FGF14: variants seen among roughly 807,000 people sequenced by gnomAD.
The protein encoded by FGF14 is fibroblast growth factor homologous factor 4.
FGF14 carries 5 observed loss-of-function variants against 25.5 expected under a neutral mutation model. The observed-to-expected ratio is 0.20, with a 90% CI of 0.10 to 0.41. The LOEUF (loss-of-function observed/expected upper bound fraction) is 0.41. FGF14 is among the 10% of genes least tolerant of loss of function. The pLI, the probability that FGF14 is intolerant of heterozygous loss-of-function variation, is 1.00. For synonymous variants in FGF14, 138 were observed against 118.3 expected, an observed-to-expected ratio of 1.17 and a Z score of -1.08; for missense variants, 222 against 320.1, an observed-to-expected ratio of 0.69 and a Z score of 2.34.
chr13:102,292,952 G>T (rs1256339296), intron 1 of FGF14: 2 of 152,256 alleles, frequency 1.3e-5, no homozygotes, highest in South Asian at 2.1e-4. Context: ...TCATAAGGCT[G>T]AAATGAAGAT....
intron 1 of FGF14, among the ~76,000 whole-genome samples, chr13:102,151,311 C>A (rs2047074780): frequency 6.6e-6 from 1 of 152,000 alleles, no homozygotes; most frequent in East Asian, 1.9e-4. Flanking sequence ...CTGGGGGTAT[C>A]CAGCGTACCC....
intron 1 of FGF14, among the ~76,000 whole-genome samples, chr13:102,049,252 T>G (rs1400421189): frequency 6.6e-6 from 1 of 152,202 alleles, no homozygotes; most frequent in Non-Finnish European, 1.5e-5. Context: ...TAAATGTCCT[T>G]TCTTTTACCT....
intron 1 of FGF14, among the ~76,000 whole-genome samples, chr13:101,959,847 T>C (rs1445037827): frequency 2.0e-5 from 3 of 152,210 alleles, no homozygotes; most frequent in African/African-American, 4.8e-5. Flanking sequence ...CTTTCTGTGG[T>C]GATTGCCTGG....
intron 3 of FGF14, among the ~76,000 whole-genome samples, chr13:101,860,116 C>A (rs980244796): frequency 6.6e-6 from 1 of 152,018 alleles, no homozygotes; most frequent in Non-Finnish European, 1.5e-5. Flanking sequence ...TTGAGCTTTA[C>A]GTGGTGCAGA....
chr13:102,203,176 GTCT>G (rs373966448), intron 1 of FGF14, among the ~76,000 whole-genome samples: 5 of 152,114 alleles, frequency 3.3e-5, no homozygotes, highest in African/African-American at 9.7e-5. Context: ...CAGTATATTT[GTCT>G]TCTTAATTAT....
At chr13:102,385,594 A>G (rs2058284049) in intron 1 of FGF14, among the ~76,000 whole-genome samples, 1 of 152,208 alleles carries the variant, frequency 6.6e-6, no homozygotes, top group Admixed American at 6.5e-5. Flanking sequence ...ATGAAATATC[A>G]TTTTTTATTT....
intron 1 of FGF14, among the ~76,000 whole-genome samples, chr13:101,951,028 TG>T (rs1229436117): frequency 6.6e-6 from 1 of 152,100 alleles, no homozygotes. Context: ...TGGGTTAATG[TG>T]GGGTGAATAA....
chr13:102,314,115 T>C (rs1241972846), intron 1 of FGF14, among the ~76,000 whole-genome samples: 7 of 152,210 alleles, frequency 4.6e-5, no homozygotes, highest in Non-Finnish European at 7.3e-5. Flanking sequence ...AATGGCTAAT[T>C]TTCTGAGAGG....
chr13:102,204,156 A>G (rs1999168), intron 1 of FGF14, among the ~76,000 whole-genome samples: 59,586 of 152,084 alleles, frequency 0.39, 13,290 homozygotes, highest in African/African-American at 0.62. Flanking sequence ...CAGGACCCAG[A>G]TAAACTTAGG....
rs2053501999 is a variant in FGF14, at chr13:102,275,671, A to G, written c.208+125800T>C. On this transcript the variant is annotated intron_variant, in intron 1 of 4. Transcript: ENST00000376131. ...TGCCTAATAAACTAGATTTCGGAAC[A>G]CAAATAGGACTTCTAAAGTTCTGTC... Among the ~76,000 whole-genome samples the G allele has an allele frequency of 4.9e-5, 7 of 143,108 alleles. No individual in the cohort carries two copies. The Admixed American group carries it at 5.3e-4, about 11-fold the overall frequency. The allele number at this position is 143,108 out of a possible 152,430, so 93.9% of individuals were successfully genotyped here.
At chr13:101,885,542 CA>C (rs1163053611) in intron 1 of FGF14, among the ~76,000 whole-genome samples, 4 of 152,148 alleles carry the variant, frequency 2.6e-5, no homozygotes, top group African/African-American at 9.7e-5. Flanking sequence ...ACTCAGCGCA[CA>C]TTTTGGCACA....
intron 1 of FGF14, among the ~76,000 whole-genome samples, chr13:102,147,079 T>C (rs2046886339): frequency 6.6e-6 from 1 of 152,228 alleles, no homozygotes; most frequent in Non-Finnish European, 1.5e-5. Context: ...TATATTATGG[T>C]ACAATTTAGT....
chr13:101,812,356 A>C (rs1395321773), intron 3 of FGF14, among the ~76,000 whole-genome samples: 4 of 151,900 alleles, frequency 2.6e-5, no homozygotes, highest in African/African-American at 9.7e-5. Context: ...GGTGGTAAAT[A>C]ATACATCTTC....
rs143263351 is a variant in FGF14 at position 101,790,255 on chromosome 13, A to G, written c.409-63445T>C. 1.8e-4 allele frequency among the ~76,000 whole-genome samples: 28 copies of G among 152,156 alleles called. No homozygotes were observed. In the East Asian group the frequency reaches 4.8e-3, roughly 26 times the overall value. ...CTTTTTTAAAATTAGTAATCAAGGC[A>G]TTCCATCTTTTATGTAATTATATCC... On this transcript the variant is annotated intron_variant, in intron 3 of 4. Transcript: ENST00000376143.
At chr13:102,207,812 G>A (rs973491219) in intron 1 of FGF14, among the ~76,000 whole-genome samples, 1 of 151,932 alleles carries the variant, frequency 6.6e-6, no homozygotes, top group African/African-American at 2.4e-5. Flanking sequence ...GTTCAAAAAG[G>A]TTAAATGATC....
At chr13:101,827,961 C>A (rs1199501542) in intron 3 of FGF14, among the ~76,000 whole-genome samples, 3 of 149,840 alleles carry the variant, frequency 2.0e-5, no homozygotes, top group Non-Finnish European at 4.4e-5. Flanking sequence ...GTGTGGTATA[C>A]TGGTATGCTC....
intron 1 of FGF14, among the ~76,000 whole-genome samples, chr13:102,063,244 T>C (rs1340785563): frequency 6.6e-6 from 1 of 152,160 alleles, no homozygotes; most frequent in South Asian, 2.1e-4. Context: ...ACAAAATATG[T>C]CAAAATCAAG....
chr13:102,347,148 G>A (rs183482634), intron 1 of FGF14, among the ~76,000 whole-genome samples: 4 of 152,110 alleles, frequency 2.6e-5, no homozygotes, highest in African/African-American at 7.2e-5. Flanking sequence ...CAGAAGCTGG[G>A]TTCGTTAGTG....
intron 1 of FGF14, among the ~76,000 whole-genome samples, chr13:102,259,859 T>C (rs555263080): frequency 7.9e-5 from 12 of 152,198 alleles, no homozygotes; most frequent in Non-Finnish European, 1.3e-4. Flanking sequence ...ATGACACCCA[T>C]TGCTTTATGT....
Sources: gnomAD v4.1 joint callset for allele counts (sites outside exome capture counted in the v4.1 genomes callset) on GRCh38, gnomAD v4.1.1 for gene constraint, MANE v1.5 for transcripts, NCBI Gene and HGNC (gene_info 2026-07-23, HGNC 2026-07-21) for gene names.